Variants in CDKL1 observed in about 807,000 individuals in gnomAD.
CDKL1 encodes the protein cyclin dependent kinase like 1.
CDKL1 carries 41 observed loss-of-function variants against 42.0 expected under a neutral mutation model. That is an observed-to-expected ratio of 0.98 (90% CI 0.76 to 1.27). CDKL1 has a LOEUF of 1.27. Among genes scored for constraint, CDKL1 ranks in the 50% most tolerant of loss-of-function variants. The pLI, the probability that CDKL1 is intolerant of heterozygous loss-of-function variation, is 0.00. For missense variants in CDKL1, 394 were observed against 428.4 expected (o/e 0.92, Z 0.71); for synonymous variants, 153 against 158.6 (o/e 0.96, Z 0.26).
chr14:50,334,122 C>T (rs1478806096), intron 8 of CDKL1: 1 of 151,866 alleles, frequency 6.6e-6, no homozygotes, highest in Non-Finnish European at 1.5e-5. Flanking sequence ...AGGATGTGAT[C>T]CATTTAAAAA....
Position 50,326,865 on chromosome 14 carries a change from A to AC in CDKL1, c.*3208dup, listed in dbSNP as rs1163288988. ...AGACCAATTTGGGCAACACAGTGAG[A>AC]CCCCATCTCTAAAAAAATTTTAAAA... On this transcript the variant is annotated 3_prime_UTR_variant, in exon 10 of 10. Coordinates refer to ENST00000395834, the MANE Select transcript of CDKL1 (RefSeq NM_004196.7). The AC allele has an allele frequency of 3.5e-6, 2 of 572,960 alleles. No individual in the cohort carries two copies. Among genetic ancestry groups the AC allele is most frequent in the Non-Finnish European group, 4.4e-6 (2 of 453,910 alleles). 35.5% of individuals were successfully genotyped at this position (572,960 alleles called of 1,614,324 possible).
At chr14:50,340,138 A>G (rs1270436007) in intron 6 of CDKL1, among the ~76,000 whole-genome samples, 1 of 152,184 alleles carries the variant, frequency 6.6e-6, no homozygotes, top group African/African-American at 2.4e-5. Context: ...ACTAGAGGAA[A>G]CACAGCCAAG....
chr14:50,367,035 C>T (rs1381703134), intron 2 of CDKL1, among the ~76,000 whole-genome samples: 2 of 152,114 alleles, frequency 1.3e-5, no homozygotes. Context: ...GAGATTGCCC[C>T]GAAGGAGCGA....
Position 50,392,621 on chromosome 14 carries a change from C to A in CDKL1, c.168+3080G>T, listed in dbSNP as rs28676660. Among the ~76,000 whole-genome samples the A allele has an allele frequency of 7.9e-3, 1,205 of 152,110 alleles. 10 individuals carry two copies. Among genetic ancestry groups the A allele is most frequent in the African/African-American group, 0.027 (1,127 of 41,486 alleles). ...AAGCTTCCACCTTTAGTACCTGTCC[C>A]TCCATCCCACATGGTGACCTCCTCC... On this transcript the variant is annotated intron_variant, in intron 2 of 9. Coordinates refer to ENST00000395834, the MANE Select transcript of CDKL1 (RefSeq NM_004196.7).
rs770373786 is a variant in CDKL1 at position 50,360,457 on chromosome 14, G to T, written c.169-1308C>A. 2.6e-5 allele frequency among the ~76,000 whole-genome samples: 4 copies of T among 152,006 alleles called. 1 individual carries two copies. The highest frequency in any genetic ancestry group is 9.7e-5 in the African/African-American group (4 of 41,382). The stretch of plus-strand genomic sequence containing the variant: ...GAGTCTCACTCTATTGCCCAGGCTG[G>T]AGTGCAGTGGTGAGATCTCAGCTCA... On this transcript the variant is annotated intron_variant, in intron 2 of 9. Coordinates refer to ENST00000395834, the MANE Select transcript of CDKL1 (RefSeq NM_004196.7).
At chr14:50,361,527 G>C (rs758560009) in intron 2 of CDKL1, among the ~76,000 whole-genome samples, 4 of 152,202 alleles carry the variant, frequency 2.6e-5, no homozygotes, top group Non-Finnish European at 5.9e-5. Flanking sequence ...GGTGTCTGCG[G>C]AGGCATGCTC....
At chr14:50,377,770 G>C (rs1415924590) in intron 2 of CDKL1, 1 of 1,161,244 alleles carries the variant, frequency 8.6e-7, no homozygotes, top group African/African-American at 1.6e-5. Flanking sequence ...TGGTCATTAT[G>C]GGAAGTATTG....
rs10136571 is a variant in CDKL1, at chr14:50,396,842, G to A, written c.-480C>T. 0.21 allele frequency: 37,999 copies of A among 178,582 alleles called. 4,512 individuals are homozygous for A. Among genetic ancestry groups the A allele is most frequent in the African/African-American group, 0.31 (12,847 of 41,672 alleles). 11.1% of individuals were successfully genotyped at this position (178,582 alleles called of 1,614,324 possible). ...GACTCACGGCGCCGCGGCGGTCAGG[G>A]ACGGGCCTGGCTCCCGCCTCGCCTT... On this transcript the variant is annotated 5_prime_UTR_variant, in exon 1 of 10. Coordinates refer to ENST00000395834, the MANE Select transcript of CDKL1 (RefSeq NM_004196.7).
rs11570810 is a variant in CDKL1 at position 50,363,060 on chromosome 14, A to G, written c.169-3911T>C. ...CCACTGGGAGGAAAGAACAACTCCA[A>G]ACACACTGCCTTAAGAGCTGTAACA... On this transcript the variant is annotated intron_variant, in intron 2 of 9. Transcript: ENST00000395834. The G allele has an allele frequency of 8.4e-3, 3,488 of 414,632 alleles. 122 individuals are homozygous for G. The highest frequency in any genetic ancestry group is 0.064 in the African/African-American group (3,157 of 49,218). The allele number at this position is 414,632 out of a possible 1,614,324, so 25.7% of individuals were successfully genotyped here. A position where few individuals can be genotyped will look rare whatever the true frequency, so the allele number is the denominator to read the frequency against.
At chr14:50,340,164 C>G (rs1363440182) in intron 6 of CDKL1, among the ~76,000 whole-genome samples, 1 of 152,180 alleles carries the variant, frequency 6.6e-6, no homozygotes, top group African/African-American at 2.4e-5. Context: ...CTGAGTGCCC[C>G]TGGAAGGCCT....
chr14:50,332,821 A>G, intron 8 of CDKL1: 3 of 639,908 alleles, frequency 4.7e-6, no homozygotes, highest in South Asian at 2.1e-5. Flanking sequence ...ATATTTACAC[A>G]TGATAACAAA....
chr14:50,366,039 G>T (rs1161948254), intron 2 of CDKL1, among the ~76,000 whole-genome samples: 2 of 152,272 alleles, frequency 1.3e-5, no homozygotes, highest in East Asian at 3.9e-4. Flanking sequence ...ACGGCCTGTT[G>T]TGGGACTTCA....
chr14:50,396,261 C>CGCTTATA lies in CDKL1; in HGVS notation c.-400_-394dup. 2.0e-6 allele frequency: 2 copies of CGCTTATA among 1,023,012 alleles called. No individual in the cohort carries two copies. The highest frequency in any genetic ancestry group is 2.3e-6 in the Non-Finnish European group (2 of 854,594). The allele number at this position is 1,023,012 out of a possible 1,614,324, so 63.4% of individuals were successfully genotyped here. A position where few individuals can be genotyped will look rare whatever the true frequency, so the allele number is the denominator to read the frequency against. On this transcript the variant is annotated 5_prime_UTR_variant, in exon 2 of 10. Transcript: ENST00000395834. ...GGATCTTCACATAGTTTGAAAACGTCGCTTATAAAATATTGGCACCAACGG... is the reference window on the plus strand; with the variant it reads ...GGATCTTCACATAGTTTGAAAACGTCGCTTATAGCTTATAAAATATTGGCACCAACGG...
intron 2 of CDKL1, chr14:50,363,770 C>G (rs144963708): frequency 2.7e-4 from 41 of 152,460 alleles, no homozygotes; most frequent in African/African-American, 7.9e-4. Flanking sequence ...CACGTCCAAA[C>G]GTGCAGTGAT....
At chr14:50,397,003 G>A, upstream of CDKL1, 2 of 1,106,314 alleles carry the variant, frequency 1.8e-6, no homozygotes, top group Non-Finnish European at 2.4e-6. Flanking sequence ...CCGCCCTCCC[G>A]GCTGCAGGGA....
At chr14:50,385,912 GT>G (rs1404058195) in intron 2 of CDKL1, among the ~76,000 whole-genome samples, 1 of 150,148 alleles carries the variant, frequency 6.7e-6, no homozygotes, top group Non-Finnish European at 1.5e-5. Context: ...TATATATATA[GT>G]TCTATAACCA....
At chr14:50,340,773 A>G (rs2033486471) in intron 6 of CDKL1, among the ~76,000 whole-genome samples, 1 of 152,202 alleles carries the variant, frequency 6.6e-6, no homozygotes, top group Admixed American at 6.5e-5. Flanking sequence ...GTCATTATTA[A>G]TGTTTTAACT....
In CDKL1 at chr14:50,359,134, T is replaced by G. The variant is rs1489468397; in HGVS notation, c.184A>C (p.Asn62His). The stretch of plus-strand genomic sequence containing the variant: ...AAGACTTCCAGGAGGTTAACAAGGT[T>G]GGGATGCTTGAGTTGCTGAAAACAC... Reference protein sequence around the residue: ...IRMLKQLKHPNLVNLLEVFRR... With the variant: ...IRMLKQLKHPHLVNLLEVFRR... Residue 62 changes from asparagine to histidine, a missense_variant, in exon 3 of 10, where the codon AAC (asparagine) becomes CAC (histidine). Coordinates refer to ENST00000395834, the MANE Select transcript of CDKL1 (RefSeq NM_004196.7). 1 of 1,607,862 alleles carries G rather than the reference T, an allele frequency of 6.2e-7. No individual in the cohort carries two copies. Among genetic ancestry groups the G allele is most frequent in the Non-Finnish European group, 8.5e-7 (1 of 1,176,538 alleles).
chr14:50,348,169 A>G (rs1298380820), intron 3 of CDKL1, among the ~76,000 whole-genome samples: 2 of 152,244 alleles, frequency 1.3e-5, no homozygotes, highest in African/African-American at 4.8e-5. Context: ...GCGAAAATCT[A>G]AGCCAGGAGA....
Sources: allele counts gnomAD v4.1 joint callset (sites outside exome capture counted in the v4.1 genomes callset), GRCh38; gene constraint gnomAD v4.1.1; transcripts MANE v1.5; gene names NCBI Gene and HGNC (gene_info 2026-07-23, HGNC 2026-07-21).